Variants in SMYD3 observed in about 807,000 individuals in gnomAD.
SMYD3 encodes SET and MYND domain containing 3.
In SMYD3, 36 loss-of-function variants were observed where a neutral mutation model predicts 57.7. That is an observed-to-expected ratio of 0.62 (90% CI 0.48 to 0.82). The LOEUF is 0.82. SMYD3 is among the 40% of genes least tolerant of loss of function. SMYD3 has a pLI of 0.00. For synonymous variants in SMYD3, 211 were observed against 195.0 expected (o/e 1.08, Z -0.68); for missense variants, 515 against 538.8 (o/e 0.96, Z 0.44).
intron 5 of SMYD3, among the ~76,000 whole-genome samples, chr1:246,154,892 C>G (rs1413805971): frequency 6.6e-6 from 1 of 151,930 alleles, no homozygotes; most frequent in African/African-American, 2.4e-5. Flanking sequence ...TGTGATTCTC[C>G]TGCCTCAGCT....
At chr1:245,951,430 G>A (rs1223425125) in intron 5 of SMYD3, among the ~76,000 whole-genome samples, 2 of 137,894 alleles carry the variant, frequency 1.5e-5, no homozygotes, top group Admixed American at 7.0e-5. Context: ...TTAGCTGGGC[G>A]AGGTGGTGCA....
chr1:246,471,705 G>A (rs185925104), intron 1 of SMYD3, among the ~76,000 whole-genome samples: 111 of 152,242 alleles, frequency 7.3e-4, no homozygotes, highest in Admixed American at 3.5e-3. Context: ...ATTTCATTTT[G>A]GGCTCATCAG....
At chr1:245,792,014 T>C (rs1428985408) in intron 10 of SMYD3, among the ~76,000 whole-genome samples, 1 of 151,372 alleles carries the variant, frequency 6.6e-6, no homozygotes, top group Non-Finnish European at 1.5e-5. Context: ...CAAAAGGCTG[T>C]TCGATGAAAT....
At chr1:246,293,608 G>A (rs1405078524) in intron 5 of SMYD3, among the ~76,000 whole-genome samples, 2 of 152,078 alleles carry the variant, frequency 1.3e-5, no homozygotes, top group South Asian at 2.1e-4. Context: ...AAAAACCCAC[G>A]ACAGTCTCAG....
In SMYD3 at chr1:245,835,052, C is replaced by T. The variant is rs554154120; in HGVS notation, c.1076+23444G>A. Among the ~76,000 whole-genome samples, 12 of 151,476 alleles carry T rather than the reference C, an allele frequency of 7.9e-5. No homozygotes were observed. In the South Asian group the frequency reaches 1.0e-3, roughly 13 times the overall value. The stretch of plus-strand genomic sequence containing the variant: ...ACCTTTTACCAAAAGAAGAGTGGCA[C>T]GGTAGAAAATGCATGAGACTTGGAG... On this transcript the variant is annotated intron_variant, in intron 10 of 11. Transcript: ENST00000490107.
At chr1:246,216,236 G>A (rs10924560) in intron 5 of SMYD3, among the ~76,000 whole-genome samples, 26,427 of 150,048 alleles carry the variant, frequency 0.18, 2,693 homozygotes, top group East Asian at 0.34. Flanking sequence ...GCAGTGAGCC[G>A]AGATAGCGCC....
intron 5 of SMYD3, chr1:246,052,753 T>C (rs1423153509): frequency 1.3e-5 from 2 of 152,256 alleles, no homozygotes; most frequent in Non-Finnish European, 2.9e-5. Flanking sequence ...CCAACATTTG[T>C]TGGCTCTGTA....
In SMYD3 at chr1:246,325,298, T is replaced by TC. The variant is rs1558402310; in HGVS notation, c.531+1902_531+1903insG. On this transcript the variant is annotated intron_variant, in intron 5 of 11. Transcript: ENST00000490107. ...GGGGCGGGAAGGAGGGAGAAGGAGT[T>TC]GGGGGGGCGGGAAGGAGGGGAGTGA... Among the ~76,000 whole-genome samples the TC allele has an allele frequency of 3.4e-3, 38 of 11,038 alleles. 7 individuals are homozygous for TC. The highest frequency in any genetic ancestry group is 7.7e-3 in the African/African-American group (18 of 2,340). 7.2% of individuals were successfully genotyped at this position (11,038 alleles called of 152,430 possible). A position where few individuals can be genotyped will look rare whatever the true frequency, so the allele number is the denominator to read the frequency against.
chr1:246,200,688 C>T (rs564106841), intron 5 of SMYD3, among the ~76,000 whole-genome samples: 3 of 133,570 alleles, frequency 2.2e-5, no homozygotes, highest in Non-Finnish European at 5.0e-5. Context: ...AGAAGATGCA[C>T]GGGATGGGAA....
At chr1:246,409,633 G>A (rs1184450093) in intron 1 of SMYD3, among the ~76,000 whole-genome samples, 1 of 152,102 alleles carries the variant, frequency 6.6e-6, no homozygotes, top group African/African-American at 2.4e-5. Flanking sequence ...TTGTTCTTTT[G>A]GCTTAGGATT....
At chr1:246,147,745 C>T (rs2061874620) in intron 5 of SMYD3, among the ~76,000 whole-genome samples, 1 of 152,016 alleles carries the variant, frequency 6.6e-6, no homozygotes, top group Non-Finnish European at 1.5e-5. Flanking sequence ...GGTAGAGCTG[C>T]AGCCTCCCTG....
At chr1:246,329,509 A>G (rs2065422281) in intron 4 of SMYD3, among the ~76,000 whole-genome samples, 1 of 152,014 alleles carries the variant, frequency 6.6e-6, no homozygotes, top group South Asian at 2.1e-4. Flanking sequence ...GTGTCTGTTC[A>G]TGTCCTTCGC....
intron 5 of SMYD3, among the ~76,000 whole-genome samples, chr1:246,285,113 T>C (rs150317870): frequency 1.3e-5 from 2 of 152,178 alleles, no homozygotes; most frequent in Non-Finnish European, 2.9e-5. Flanking sequence ...ATCCCTCACC[T>C]CCCTCCACCC....
At chr1:245,998,900 G>A (rs933301410) in intron 5 of SMYD3, among the ~76,000 whole-genome samples, 1 of 152,126 alleles carries the variant, frequency 6.6e-6, no homozygotes, top group Non-Finnish European at 1.5e-5. Flanking sequence ...AGACACAAAA[G>A]GACAAATACT....
chr1:245,927,823 G>A (rs975795527), intron 7 of SMYD3, 108 bp downstream of exon 7: 7 of 767,540 alleles, frequency 9.1e-6, no homozygotes, highest in Non-Finnish European at 1.5e-5. Flanking sequence ...CTGGCAGAAG[G>A]ACAATGAAAA....
At chr1:245,912,272 C>CA (rs1341093948) in intron 8 of SMYD3, among the ~76,000 whole-genome samples, 1 of 151,686 alleles carries the variant, frequency 6.6e-6, no homozygotes, top group Non-Finnish European at 1.5e-5. Flanking sequence ...ACCCACCCCC[C>CA]AAAAAAAGAC....
At chr1:246,255,638 T>C (rs1282516789) in intron 5 of SMYD3, among the ~76,000 whole-genome samples, 2 of 152,130 alleles carry the variant, frequency 1.3e-5, no homozygotes, top group African/African-American at 4.8e-5. Context: ...TGTCATTTTC[T>C]TTTTTGTTAT....
chr1:245,855,380 T>C (rs1391783757), intron 10 of SMYD3, among the ~76,000 whole-genome samples: 1 of 152,166 alleles, frequency 6.6e-6, no homozygotes. Flanking sequence ...TAGACTTTCA[T>C]GGGTTAGTCT....
intron 5 of SMYD3, chr1:246,096,375 T>A (rs1404775222): frequency 6.6e-6 from 1 of 152,228 alleles, no homozygotes; most frequent in Non-Finnish European, 1.5e-5. Context: ...TCGCAGAACC[T>A]CTGTGTAGAC....
Sources: gnomAD v4.1 joint callset for allele counts (sites outside exome capture counted in the v4.1 genomes callset) on GRCh38, gnomAD v4.1.1 for gene constraint, MANE v1.5 for transcripts, NCBI Gene and HGNC (gene_info 2026-07-23, HGNC 2026-07-21) for gene names.